NDUFA9: variants seen among roughly 807,000 people sequenced by gnomAD.
NDUFA9 encodes NADH dehydrogenase [ubiquinone] 1 alpha subcomplex subunit 9, mitochondrial.
A neutral mutation model predicts 45.9 loss-of-function variants in NDUFA9; 23 were observed. That is an observed-to-expected ratio of 0.50 (90% confidence interval 0.36 to 0.71). The LOEUF (loss-of-function observed/expected upper bound fraction) is 0.71. Among genes scored for constraint, NDUFA9 ranks in the 30% least tolerant of loss-of-function variants. The pLI is 0.00. For missense variants in NDUFA9, 466 were observed against 488.2 expected, an observed-to-expected ratio of 0.95 and a Z score of 0.43; for synonymous variants, 176 against 170.5, an observed-to-expected ratio of 1.03 and a Z score of -0.25.
At chr12:4,655,416 G>A (rs1304646208) in intron 3 of NDUFA9, 1 of 152,444 alleles carries the variant, frequency 6.6e-6, no homozygotes, top group African/African-American at 2.4e-5. Context: ...GAGATATGCT[G>A]TACGTATAAA....
chr12:4,660,647 C>G (rs560555052), intron 5 of NDUFA9, among the ~76,000 whole-genome samples: 2 of 152,242 alleles, frequency 1.3e-5, no homozygotes, highest in South Asian at 4.2e-4. Context: ...AACAGAAAGA[C>G]TAAGCAGGAC....
chr12:4,684,671 T>G (rs185873198), intron 9 of NDUFA9, among the ~76,000 whole-genome samples: 8 of 152,286 alleles, frequency 5.3e-5, no homozygotes, highest in Admixed American at 4.6e-4. Context: ...GGAGCTCAAG[T>G]GGCACGTAAG....
rs1446268184 is a variant in NDUFA9 at position 4,688,005 on chromosome 12, G to A, written c.*897G>A. The A allele has an allele frequency of 6.6e-6, 1 of 152,210 alleles. No homozygotes were observed. Among genetic ancestry groups the A allele is most frequent in the Non-Finnish European group, 1.5e-5 (1 of 68,050 alleles). 9.4% of individuals were successfully genotyped at this position (152,210 alleles called of 1,614,324 possible). ...GGACAGGGATGTCAGTAAAAACGCT[G>A]TTTGATGAGGGAATGCCCGTCTCCT... On this transcript the variant is annotated 3_prime_UTR_variant, in exon 11 of 11. Transcript: ENST00000266544.
intron 1 of NDUFA9, among the ~76,000 whole-genome samples, chr12:4,650,070 C>T (rs143685717): frequency 4.6e-5 from 7 of 152,278 alleles, no homozygotes; most frequent in African/African-American, 1.7e-4. Context: ...TCAAAATTGG[C>T]TCATGTCAGA....
In NDUFA9 at chr12:4,657,746, A is replaced by G; in HGVS notation, c.319-2A>G. 1 of 1,609,556 alleles carries G rather than the reference A, an allele frequency of 6.2e-7. No homozygotes were observed. Among genetic ancestry groups the G allele is most frequent in the East Asian group, 2.2e-5 (1 of 44,848 alleles). ...TCATCCGATTGCTTTCTGCTATTAT[A>G]GGAATGGGACGCGAGAGATAAAGAT... On this transcript the variant is annotated splice_acceptor_variant, in intron 3 of 10. Transcript: ENST00000266544. LOFTEE classifies it high-confidence loss of function.
intron 8 of NDUFA9, among the ~76,000 whole-genome samples, chr12:4,679,006 T>C (rs1355390434): frequency 6.6e-6 from 1 of 152,108 alleles, no homozygotes; most frequent in Non-Finnish European, 1.5e-5. Flanking sequence ...ATGCTAAAAA[T>C]TGGAAACATC....
chr12:4,662,748 C>A, intron 6 of NDUFA9, 113 bp downstream of exon 6: 1 of 800,784 alleles, frequency 1.2e-6, no homozygotes, highest in Non-Finnish European at 2.0e-6. Flanking sequence ...TTTTCTTTCC[C>A]AGTTGCCTTT....
At chr12:4,667,383 AT>A (rs1235687528) in intron 6 of NDUFA9, among the ~76,000 whole-genome samples, 3 of 152,062 alleles carry the variant, frequency 2.0e-5, no homozygotes, top group Non-Finnish European at 4.4e-5. Flanking sequence ...ATGCCTTTCC[AT>A]TTAATTGTGC....
In NDUFA9 at chr12:4,694,107, A is replaced by G. The variant is rs143138268; in HGVS notation, c.*6999A>G. The G allele has an allele frequency of 7.2e-5, 11 of 152,244 alleles. No individual in the cohort carries two copies. In the East Asian group the frequency reaches 2.1e-3, roughly 29 times the overall value. The allele number at this position is 152,244 out of a possible 1,614,324, so 9.4% of individuals were successfully genotyped here. A position where few individuals can be genotyped will look rare whatever the true frequency, so the allele number is the denominator to read the frequency against. On this transcript the variant is annotated 3_prime_UTR_variant, in exon 11 of 11. Transcript: ENST00000266544. Reference sequence around the variant, plus strand: ...TTGATTCTATGGGAGCTATCTTGCAACTCTGTAAGCTGTAGGTAACTGATA... The same window carrying G: ...TTGATTCTATGGGAGCTATCTTGCAGCTCTGTAAGCTGTAGGTAACTGATA...
intron 8 of NDUFA9, among the ~76,000 whole-genome samples, chr12:4,673,003 G>A (rs966151384): frequency 9.9e-5 from 15 of 152,194 alleles, no homozygotes; most frequent in Admixed American, 4.6e-4. Flanking sequence ...TCTGGCAGGT[G>A]CCCCTCTGGG....
At chr12:4,677,685 C>A (rs10735037) in intron 8 of NDUFA9, among the ~76,000 whole-genome samples, 131,026 of 152,230 alleles carry the variant, frequency 0.86, 56,484 homozygotes, top group Middle Eastern at 0.93. Flanking sequence ...TGACGCTTTT[C>A]CACTGTTGGT....
intron 8 of NDUFA9, among the ~76,000 whole-genome samples, chr12:4,670,928 G>A (rs992908452): frequency 6.6e-6 from 1 of 152,218 alleles, no homozygotes; most frequent in African/African-American, 2.4e-5. Flanking sequence ...CTCTGGATGA[G>A]TTGCACATTT....
In NDUFA9 at chr12:4,682,301, G is replaced by A. The variant is rs1160352413; in HGVS notation, c.896+1G>A. ...TCCCCTTGCCGCTTTTTGCCTATCGGTAAGTAGAGTGCTCCTTTTGTGTGA... is the reference window on the plus strand; with the variant it reads ...TCCCCTTGCCGCTTTTTGCCTATCGATAAGTAGAGTGCTCCTTTTGTGTGA... On this transcript the variant is annotated splice_donor_variant, in intron 9 of 10. Coordinates refer to ENST00000266544, the MANE Select transcript of NDUFA9 (RefSeq NM_005002.5). LOFTEE classifies it high-confidence loss of function. 1 of 1,601,526 alleles carries A rather than the reference G, an allele frequency of 6.2e-7. No individual in the cohort carries two copies. The highest frequency in any genetic ancestry group is 2.2e-5 in the East Asian group (1 of 44,792).
intron 5 of NDUFA9, among the ~76,000 whole-genome samples, chr12:4,661,351 C>G (rs533020695): frequency 1.3e-5 from 2 of 152,100 alleles, no homozygotes; most frequent in African/African-American, 4.8e-5. Flanking sequence ...GAAAATGTTT[C>G]AAATTGTCTC....
chr12:4,669,885 A>T (rs1280182266), intron 8 of NDUFA9, 68 bp downstream of exon 8: 2 of 1,131,668 alleles, frequency 1.8e-6, no homozygotes, highest in South Asian at 2.5e-5. Flanking sequence ...TAAATTAGTT[A>T]CTAACAGATT....
chr12:4,685,410 G>C, intron 10 of NDUFA9, 85 bp downstream of exon 10: 1 of 1,276,598 alleles, frequency 7.8e-7, no homozygotes, highest in Non-Finnish European at 1.1e-6. Flanking sequence ...TTGTTTCCCG[G>C]CCCTTGTCTG....
At chr12:4,654,728 A>T in intron 2 of NDUFA9, 97 bp from the exon 3 acceptor site, 1 of 1,059,304 alleles carries the variant, frequency 9.4e-7, no homozygotes. Flanking sequence ...ATCAATTCAC[A>T]TACCATACTA....
chr12:4,660,693 G>T (rs963397463), intron 5 of NDUFA9, among the ~76,000 whole-genome samples: 3 of 152,168 alleles, frequency 2.0e-5, no homozygotes, highest in Non-Finnish European at 4.4e-5. Flanking sequence ...AGAGTACAGT[G>T]CTAGGGAAGC....
chr12:4,678,550 T>C (rs1027601774), intron 8 of NDUFA9, among the ~76,000 whole-genome samples: 7 of 152,166 alleles, frequency 4.6e-5, no homozygotes, highest in Non-Finnish European at 8.8e-5. Context: ...GTTAATTACA[T>C]ATCTGATAGA....
Sources: gnomAD v4.1 joint callset for allele counts (sites outside exome capture counted in the v4.1 genomes callset) on GRCh38, gnomAD v4.1.1 for gene constraint, MANE v1.5 for transcripts, NCBI Gene and HGNC (gene_info 2026-07-23, HGNC 2026-07-21) for gene names.